The following CCDC126 variants were observed in gnomAD, a reference collection of about 807,000 sequenced individuals.
CCDC126 encodes coiled-coil domain containing 126.
CCDC126 carries 5 observed loss-of-function variants against 11.7 expected under a neutral mutation model. The ratio of observed to expected loss-of-function variants is 0.43; its 90% CI spans 0.22 to 0.90. CCDC126 has a LOEUF of 0.90. CCDC126 is among the 40% of genes least tolerant of loss of function. The pLI is 0.27. For synonymous variants in CCDC126, 60 were observed against 61.9 expected (o/e 0.97, Z 0.14); for missense variants, 150 against 163.1 (o/e 0.92, Z 0.44).
intron 2 of CCDC126, among the ~76,000 whole-genome samples, chr7:23,604,854 C>T (rs547826255): frequency 4.6e-5 from 7 of 151,842 alleles, no homozygotes; most frequent in African/African-American, 7.2e-5. Context: ...AAAAATTAGC[C>T]GGGTGTGGTG....
chr7:23,640,334 C>T (rs1010379053), intron 3 of CCDC126, among the ~76,000 whole-genome samples: 1 of 151,168 alleles, frequency 6.6e-6, no homozygotes, highest in South Asian at 2.1e-4. Flanking sequence ...CCCACATCTA[C>T]TAAAAATACA....
chr7:23,616,379 T>C (rs1440895536), intron 3 of CCDC126, among the ~76,000 whole-genome samples: 2 of 152,188 alleles, frequency 1.3e-5, no homozygotes, highest in Non-Finnish European at 2.9e-5. Context: ...GATCTCCTAT[T>C]TTCTAGAATT....
chr7:23,640,314 A>G (rs973531544), intron 3 of CCDC126, among the ~76,000 whole-genome samples: 2 of 151,566 alleles, frequency 1.3e-5, no homozygotes, highest in African/African-American at 4.9e-5. Flanking sequence ...CCTGACCAAC[A>G]TGGAGAAACC....
At chr7:23,619,350 C>G in intron 3 of CCDC126, 1 of 358,904 alleles carries the variant, frequency 2.8e-6, no homozygotes, top group Non-Finnish European at 5.4e-6. Flanking sequence ...AGCAAAAGAA[C>G]ACAAGGAAGT....
intron 3 of CCDC126, among the ~76,000 whole-genome samples, chr7:23,637,891 G>A (rs1471999719): frequency 1.4e-3 from 168 of 116,912 alleles, no homozygotes; most frequent in Non-Finnish European, 2.2e-3. Context: ...GGTGAGGGGC[G>A]CCTCTGCCCG....
intron 3 of CCDC126, among the ~76,000 whole-genome samples, chr7:23,620,611 T>G (rs575937109): frequency 0.019 from 2,825 of 151,618 alleles, 58 homozygotes; most frequent in African/African-American, 0.064. Context: ...TTTTGGCTTT[T>G]GTTGCCATTG....
chr7:23,624,612 T>A (rs1782981289), intron 3 of CCDC126, among the ~76,000 whole-genome samples: 1 of 152,250 alleles, frequency 6.6e-6, no homozygotes, highest in Admixed American at 6.5e-5. Flanking sequence ...TGAGCATGCC[T>A]ATTTCCTAAT....
rs1357613333 is a variant in CCDC126 at position 23,644,020 on chromosome 7, TTGGAGAA to T, written c.*910_*916del. ...TATATTGGTCTAGGAGGAAGGGACTTTGGAGAATGGAACTCTTGAGGACTTTAGCCAG... is the reference window on the plus strand; with the variant it reads ...TATATTGGTCTAGGAGGAAGGGACTTTGGAACTCTTGAGGACTTTAGCCAG... On this transcript the variant is annotated 3_prime_UTR_variant, in exon 4 of 4. Transcript: ENST00000307471. 3 of 152,118 alleles carry T rather than the reference TTGGAGAA, an allele frequency of 2.0e-5. No homozygotes were observed. The highest frequency in any genetic ancestry group is 4.8e-5 in the African/African-American group (2 of 41,452). 9.4% of individuals were successfully genotyped at this position (152,118 alleles called of 1,614,324 possible).
intron 3 of CCDC126, among the ~76,000 whole-genome samples, chr7:23,640,956 G>T (rs1337174872): frequency 1.3e-5 from 2 of 148,682 alleles, no homozygotes; most frequent in Non-Finnish European, 3.0e-5. Flanking sequence ...ATGAACATTG[G>T]TGTATAAGTA....
intron 2 of CCDC126, among the ~76,000 whole-genome samples, chr7:23,609,889 A>T (rs1205273532): frequency 1.3e-5 from 2 of 152,192 alleles, no homozygotes; most frequent in African/African-American, 2.4e-5. Flanking sequence ...ATACAATTTT[A>T]AAAAAGTTCT....
In CCDC126 at chr7:23,640,991, GGTTTTT is replaced by G. The variant is rs1386202676; in HGVS notation, c.239-1939_239-1934del. 8.9e-4 allele frequency among the ~76,000 whole-genome samples: 99 copies of G among 110,976 alleles called. 1 individual carries two copies. Among genetic ancestry groups the G allele is most frequent in the African/African-American group, 2.3e-3 (62 of 26,658 alleles). The allele number at this position is 110,976 out of a possible 152,430, so 72.8% of individuals were successfully genotyped here. On this transcript the variant is annotated intron_variant, in intron 3 of 3. Coordinates refer to ENST00000307471, the MANE Select transcript of CCDC126 (RefSeq NM_138771.4). ...ATCCCTCTGAGCTCTGAATCCTTTTGGTTTTTTTTTTTTTTTTTTTTTTTGGTATAT... is the reference window on the plus strand; with the variant it reads ...ATCCCTCTGAGCTCTGAATCCTTTTGTTTTTTTTTTTTTTTTTTGGTATAT...
intron 2 of CCDC126, among the ~76,000 whole-genome samples, chr7:23,607,407 G>A (rs1329044330): frequency 3.9e-5 from 6 of 152,164 alleles, no homozygotes; most frequent in African/African-American, 1.4e-4. Flanking sequence ...GAGGTTCAAA[G>A]TGCAAGTTCT....
At chr7:23,607,376 G>C (rs1395953961) in intron 2 of CCDC126, among the ~76,000 whole-genome samples, 3 of 152,126 alleles carry the variant, frequency 2.0e-5, no homozygotes. Context: ...ATCAGTACTT[G>C]AAACATAAAG....
rs754297249 is a variant in CCDC126, at chr7:23,640,991, G to GATT, written c.239-1940_239-1939insATT. Among the ~76,000 whole-genome samples, 51 of 110,956 alleles carry GATT rather than the reference G, an allele frequency of 4.6e-4. 4 individuals carry two copies. Among genetic ancestry groups the GATT allele is most frequent in the South Asian group, 1.2e-3 (4 of 3,362 alleles). 72.8% of individuals were successfully genotyped at this position (110,956 alleles called of 152,430 possible). A position where few individuals can be genotyped will look rare whatever the true frequency, so the allele number is the denominator to read the frequency against. Reference sequence around the variant, plus strand: ...ATCCCTCTGAGCTCTGAATCCTTTTGGTTTTTTTTTTTTTTTTTTTTTTTG... The same window carrying GATT: ...ATCCCTCTGAGCTCTGAATCCTTTTGATTGTTTTTTTTTTTTTTTTTTTTTTTG... On this transcript the variant is annotated intron_variant, in intron 3 of 3. Transcript: ENST00000307471.
intron 3 of CCDC126, among the ~76,000 whole-genome samples, chr7:23,628,503 CTG>C (rs1005989308): frequency 4.6e-5 from 7 of 152,238 alleles, no homozygotes; most frequent in African/African-American, 1.7e-4. Flanking sequence ...CAGAAAAAAA[CTG>C]TTGCTGCACT....
intron 2 of CCDC126, among the ~76,000 whole-genome samples, chr7:23,601,457 A>G (rs1255591451): frequency 6.6e-6 from 1 of 152,190 alleles, no homozygotes. Context: ...ACAAAACAAA[A>G]TTGGTAGTGT....
At chr7:23,615,155 T>A (rs1165358218) in intron 3 of CCDC126, among the ~76,000 whole-genome samples, 1 of 152,232 alleles carries the variant, frequency 6.6e-6, no homozygotes, top group African/African-American at 2.4e-5. Flanking sequence ...CCTTCATCAA[T>A]GATCTTAGCT....
intron 3 of CCDC126, among the ~76,000 whole-genome samples, chr7:23,636,975 G>C (rs1429556263): frequency 1.3e-4 from 8 of 62,954 alleles, no homozygotes; most frequent in African/African-American, 4.0e-4. Context: ...CGCCCCTACT[G>C]GGAAGTGAGG....
intron 3 of CCDC126, among the ~76,000 whole-genome samples, chr7:23,625,086 C>T (rs2128018991): frequency 6.6e-6 from 1 of 152,310 alleles, no homozygotes; most frequent in African/African-American, 2.4e-5. Flanking sequence ...TCAAGCGATC[C>T]TCCCACCTTG....
Sources: gnomAD v4.1 joint callset for allele counts (sites outside exome capture counted in the v4.1 genomes callset) on GRCh38, gnomAD v4.1.1 for gene constraint, MANE v1.5 for transcripts, NCBI Gene and HGNC (gene_info 2026-07-23, HGNC 2026-07-21) for gene names.